The following MICAL1 variants were observed in gnomAD, a reference collection of about 807,000 sequenced individuals.
MICAL1 encodes the protein [F-actin]-monooxygenase MICAL1.
A neutral mutation model predicts 131.8 loss-of-function variants in MICAL1; 95 were observed. The ratio of observed to expected loss-of-function variants is 0.72; its 90% CI spans 0.61 to 0.86. The LOEUF (loss-of-function observed/expected upper bound fraction) is 0.86. Among genes scored for constraint, MICAL1 ranks in the 40% least tolerant of loss-of-function variants. The pLI is 0.00. For missense variants in MICAL1, 1,292 were observed against 1,380.6 expected (o/e 0.94, Z 1.02); for synonymous variants, 546 against 554.2 (o/e 0.99, Z 0.21).
intron 4 of MICAL1, among the ~76,000 whole-genome samples, chr6:109,452,821 A>C (rs780963276): frequency 1.3e-5 from 2 of 152,184 alleles, no homozygotes; most frequent in African/African-American, 2.4e-5. Flanking sequence ...CAAATGCTCA[A>C]TCTGAGGCTC....
rs536618486 is a variant in MICAL1 at position 109,445,237 on chromosome 6, G to A, written c.2841C>T (p.Ala947=). 7.3e-5 allele frequency: 118 copies of A among 1,613,978 alleles called. 1 individual carries two copies. In the South Asian group the frequency reaches 1.0e-3, roughly 14 times the overall value. ...EIEAALRELE[A]EGVKLELALR... The stretch of plus-strand genomic sequence containing the variant: ...AGGCCAGCTCCAGCTTCACGCCCTC[G>A]GCCTCTAGCTCCCTCAAGGCAGCCT... The change falls in exon 22 of 25, where the codon GCC becomes GCT. Residue 947 remains alanine (A), a synonymous_variant. Coordinates refer to ENST00000358807, the MANE Select transcript of MICAL1 (RefSeq NM_022765.4).
chr6:109,445,306 CAG>C lies in MICAL1; in HGVS notation c.2788-18_2788-17del, dbSNP rs749919823. On this transcript the variant is annotated splice_polypyrimidine_tract_variant and intron_variant, in intron 21 of 24. Coordinates refer to ENST00000358807, the MANE Select transcript of MICAL1 (RefSeq NM_022765.4). Reference sequence around the variant, plus strand: ...GTTGGATGGTCTGAGGGGTACAAGACAGAATATCCAGGAGTCTCTAGGTTGCT... The same window carrying C: ...GTTGGATGGTCTGAGGGGTACAAGACAATATCCAGGAGTCTCTAGGTTGCT... 1.9e-6 allele frequency: 3 copies of C among 1,613,944 alleles called. No homozygotes were observed. The African/African-American group carries it at 4.0e-5, about 22-fold the overall frequency.
intron 13 of MICAL1, 110 bp downstream of exon 13, chr6:109,448,089 CTCTT>C (rs901135607): frequency 4.2e-5 from 58 of 1,367,626 alleles, no homozygotes; most frequent in Admixed American, 3.1e-4. Context: ...CGCCTTCTTC[CTCTT>C]TCTGACACAC....
exon 1 of MICAL1, chr6:109,465,696 G>C: frequency 6.2e-7 from 1 of 1,602,288 alleles, no homozygotes; most frequent in Non-Finnish European, 8.5e-7. Context: ...CTTGCTACCT[G>C]GATGGAGGGC....
rs748277559 is a variant in MICAL1 at position 109,446,817 on chromosome 6, C to T, written c.2228-45G>A. On this transcript the variant is annotated intron_variant, in intron 17 of 24. Transcript: ENST00000358807. ...GAGGAGGCATTTGGTGTGGGCAGCCCAGTGCCCAGACACGCAACAGTTTAT... is the reference window on the plus strand; with the variant it reads ...GAGGAGGCATTTGGTGTGGGCAGCCTAGTGCCCAGACACGCAACAGTTTAT... 2.6e-6 allele frequency: 4 copies of T among 1,543,358 alleles called. No individual in the cohort carries two copies. The East Asian group carries it at 6.8e-5, about 26-fold the overall frequency.
chr6:109,445,690 G>A, intron 20 of MICAL1, 81 bp downstream of exon 20: 1 of 1,538,742 alleles, frequency 6.5e-7, no homozygotes, highest in South Asian at 1.2e-5. Context: ...GACATTCCAA[G>A]AGAAGGGTGC....
At chr6:109,451,465 T>C in intron 7 of MICAL1, 135 bp downstream of exon 7, 1 of 1,053,332 alleles carries the variant, frequency 9.5e-7, no homozygotes, top group South Asian at 1.6e-5. Flanking sequence ...AGAGAACTTT[T>C]AGAGGTGAAG....
chr6:109,445,580 T>G (rs1484485878), intron 20 of MICAL1, 51 bp from the exon 21 acceptor site: 1 of 1,599,472 alleles, frequency 6.3e-7, no homozygotes, highest in Non-Finnish European at 8.6e-7. Context: ...CCCTGGTGGA[T>G]AGGAGTGTTG....
chr6:109,453,982 C>A lies in MICAL1; in HGVS notation c.215G>T (p.Gly72Val). The A allele has an allele frequency of 6.2e-7, 1 of 1,613,972 alleles. No homozygotes were observed. Among genetic ancestry groups the A allele is most frequent in the Non-Finnish European group, 8.5e-7 (1 of 1,180,034 alleles). The change falls in exon 2 of 25, where the codon GGC (glycine) becomes GTC (valine). Residue 72 changes from glycine (G) to valine (V), a missense_variant. By Grantham distance (109) the Gly-to-Val change is moderately radical (BLOSUM62 -3). Coordinates refer to ENST00000358807, the MANE Select transcript of MICAL1 (RefSeq NM_022765.4). Reference protein sequence around the residue: ...SLWTKLDKRAGQPVYQQGRAC... With the variant: ...SLWTKLDKRAVQPVYQQGRAC... ...CCGGCCCTGCTGGTAGACAGGCTGG[C>A]CTGCTCGCTTGTCCAGCTTGGTCCA...
Position 109,452,616 on chromosome 6 carries a change from C to T in MICAL1, c.572-1G>A. The T allele has an allele frequency of 6.2e-7, 1 of 1,611,608 alleles. No individual in the cohort carries two copies. Among genetic ancestry groups the T allele is most frequent in the South Asian group, 1.1e-5 (1 of 90,890 alleles). On this transcript the variant is annotated splice_acceptor_variant, in intron 4 of 24. Coordinates refer to ENST00000358807, the MANE Select transcript of MICAL1 (RefSeq NM_022765.4). LOFTEE classifies it high-confidence loss of function. ...TGGAGCTGGGCACGCCAGCCACTCC[C>T]TAGGGCAGGGGGTATGAGAGGCACA...
Position 109,454,059 on chromosome 6 carries a change from G to C in MICAL1, c.138C>G (p.Pro46=), listed in dbSNP as rs148402180. 56 of 1,614,100 alleles carry C rather than the reference G, an allele frequency of 3.5e-5. No individual in the cohort carries two copies. In the East Asian group the frequency reaches 1.2e-3, roughly 35 times the overall value. The change falls in exon 2 of 25, where the codon CCC becomes CCG. Residue 46 remains proline (P), a synonymous_variant. Coordinates refer to ENST00000358807, the MANE Select transcript of MICAL1 (RefSeq NM_022765.4). The stretch of plus-strand genomic sequence containing the variant: ...GCTGGTCCTTGATCTTGTGGTACTG[G>C]GGCAGCCCCCCACCGGGTTCCAGCC... ...ALGLEPGGGL[P]QYHKIKDQLN... is the part of the protein sequence containing the mutation.
In MICAL1 at chr6:109,453,748, A is replaced by C. The variant is rs1481662665; in HGVS notation, c.356T>G (p.Phe119Cys). The C allele has an allele frequency of 6.2e-7, 1 of 1,613,656 alleles. No individual in the cohort carries two copies. Among genetic ancestry groups the C allele is most frequent in the Admixed American group, 1.7e-5 (1 of 60,014 alleles). Residue 119 changes from phenylalanine to cysteine, a missense_variant, in exon 3 of 25, where the codon TTC (phenylalanine) becomes TGC (cysteine). Coordinates refer to ENST00000358807, the MANE Select transcript of MICAL1 (RefSeq NM_022765.4). Reference protein sequence around the residue: ...RVVLVEKRTKFSRHNVLHLWP... With the variant: ...RVVLVEKRTKCSRHNVLHLWP... ...GAGGTGGAGCACGTTGTGGCGAGAG[A>C]ACTTGGTGCGCTTTTCCACCAGCAC... is the stretch of plus-strand genomic sequence containing the variant.
At chr6:109,446,889 C>T in intron 17 of MICAL1, 117 bp from the exon 18 acceptor site, 2 of 1,261,036 alleles carry the variant, frequency 1.6e-6, no homozygotes, top group Non-Finnish European at 2.3e-6. Context: ...GAATTTCTGC[C>T]AGCCTCCTGT....
rs755459325 is a variant in MICAL1, at chr6:109,445,501, C to T, written c.2702G>A (p.Gly901Asp). 1.2e-6 allele frequency: 2 copies of T among 1,614,106 alleles called. No homozygotes were observed. Among genetic ancestry groups the T allele is most frequent in the Non-Finnish European group, 1.7e-6 (2 of 1,180,038 alleles). ...QALQTFAKTSGTMNNYPTWRR... is the reference protein window; with the variant it reads ...QALQTFAKTSDTMNNYPTWRR... ...CCATGTTGGGTAGTTATTCATGGTG[C>T]CTGAGGTCTTGGCAAAGGTCTGCAG... The change falls in exon 21 of 25, where the codon GGC (glycine) becomes GAC (aspartate). Residue 901 changes from glycine (G) to aspartate (D), a missense_variant. Gly to Asp is a moderately conservative substitution (Grantham distance 94). Transcript: ENST00000358807.
chr6:109,444,730 C>T lies in MICAL1; in HGVS notation c.3050G>A (p.Arg1017Gln), dbSNP rs200636139. The T allele has an allele frequency of 6.4e-5, 103 of 1,614,108 alleles. No individual in the cohort carries two copies. The highest frequency in any genetic ancestry group is 7.0e-5 in the Non-Finnish European group (83 of 1,180,022). ...TCTCCCCACATTTCACCTACCTTCC[C>T]GGTTCATGTAGCCTCGTAGCTCCTG... ...LDQELRGYMNREENLKTAADR... is the reference protein window; with the variant it reads ...LDQELRGYMNQEENLKTAADR... Residue 1017 changes from arginine (R) to glutamine (Q), a missense_variant, in exon 24 of 25, where the codon CGG becomes CAG. Transcript: ENST00000358807.
At chr6:109,456,083 T>C, upstream of MICAL1, 1 of 951,754 alleles carries the variant, frequency 1.1e-6, no homozygotes, top group Non-Finnish European at 1.3e-6. Context: ...TGTTGGGGGC[T>C]GAGGAGCTCG....
At chr6:109,454,349 T>C in intron 1 of MICAL1, 110 bp from the exon 2 acceptor site, 1 of 1,058,772 alleles carries the variant, frequency 9.4e-7, no homozygotes, top group East Asian at 2.6e-5. Context: ...GATTCACCAG[T>C]GATTGGCTCT....
At chr6:109,452,885 G>C (rs1046798296) in intron 4 of MICAL1, among the ~76,000 whole-genome samples, 1 of 152,142 alleles carries the variant, frequency 6.6e-6, no homozygotes, top group Non-Finnish European at 1.5e-5. Flanking sequence ...TGGCTGGCAT[G>C]GTGGGTCACG....
chr6:109,453,801 C>T lies in MICAL1; in HGVS notation c.303G>A (p.Val101=), dbSNP rs1775637638. 1 of 1,613,752 alleles carries T rather than the reference C, an allele frequency of 6.2e-7. No homozygotes were observed. The highest frequency in any genetic ancestry group is 1.3e-5 in the African/African-American group (1 of 75,068). ...GAGPCGLRVA[V]ELALLGARVV... Reference sequence around the variant, plus strand: ...CTCGGGCCCCCAGCAGCGCCAGCTCCACAGCGACCCGCAGCCCGCAAGGTC... The same window carrying T: ...CTCGGGCCCCCAGCAGCGCCAGCTCTACAGCGACCCGCAGCCCGCAAGGTC... Residue 101 remains valine, a synonymous_variant, in exon 3 of 25, where the codon GTG becomes GTA. Transcript: ENST00000358807.
Sources: gnomAD v4.1 joint callset for allele counts (sites outside exome capture counted in the v4.1 genomes callset) on GRCh38, gnomAD v4.1.1 for gene constraint, MANE v1.5 for transcripts, NCBI Gene and HGNC (gene_info 2026-07-23, HGNC 2026-07-21) for gene names.